TARP: variants seen among roughly 807,000 people sequenced by gnomAD.
At chr7:38,269,694 C>G in the TARP span, among the ~76,000 whole-genome samples, 2 of 150,318 alleles carry the variant, frequency 1.3e-5, no homozygotes, top group Non-Finnish European at 3.0e-5. Context: ...TAACTTAAAG[C>G]TTTTGGTGTT....
At chr7:38,270,260 G>A in the TARP span, among the ~76,000 whole-genome samples, 14 of 151,890 alleles carry the variant, frequency 9.2e-5, no homozygotes, top group Non-Finnish European at 1.0e-4. Context: ...TTTTGGAGTG[G>A]CAGTTAAATC....
chr7:38,263,259 T>C, the TARP span, among the ~76,000 whole-genome samples: 3 of 151,998 alleles, frequency 2.0e-5, no homozygotes, highest in African/African-American at 4.8e-5. Flanking sequence ...AGTTGTATTA[T>C]GTATGGCCCC....
the TARP span, among the ~76,000 whole-genome samples, chr7:38,264,884 G>A: frequency 2.1e-4 from 32 of 151,540 alleles, no homozygotes; most frequent in South Asian, 4.2e-4. Flanking sequence ...CAATGAACCC[G>A]TTGTTTTTAG....
At chr7:38,267,402 A>T in the TARP span, among the ~76,000 whole-genome samples, 12 of 151,988 alleles carry the variant, frequency 7.9e-5, no homozygotes. Context: ...TTTGATTTCC[A>T]ATTGAAACTC....
chr7:38,269,934 C>T, the TARP span, among the ~76,000 whole-genome samples: 15 of 151,718 alleles, frequency 9.9e-5, no homozygotes, highest in Non-Finnish European at 1.8e-4. Context: ...ACCCCATATT[C>T]ACTAAAAATA....
the TARP span, chr7:38,260,182 A>G: frequency 3.2e-5 from 51 of 1,601,230 alleles, no homozygotes; most frequent in Non-Finnish European, 4.2e-5. Flanking sequence ...GAGCAGGAGG[A>G]GGTACATGTA....
chr7:38,271,088 A>G, the TARP span, among the ~76,000 whole-genome samples: 16,854 of 150,314 alleles, frequency 0.11, 1,080 homozygotes, highest in South Asian at 0.18. Flanking sequence ...TTAGGGCTTT[A>G]GATCATCTGT....
At chr7:38,260,668 C>A in the TARP span, among the ~76,000 whole-genome samples, 12 of 151,818 alleles carry the variant, frequency 7.9e-5, no homozygotes, top group African/African-American at 2.7e-4. Flanking sequence ...GGGGGTGGAC[C>A]ACTAGTGCCT....
the TARP span, among the ~76,000 whole-genome samples, chr7:38,268,315 A>C: frequency 6.6e-6 from 1 of 151,656 alleles, no homozygotes; most frequent in Non-Finnish European, 1.5e-5. Flanking sequence ...GTTTATTAAA[A>C]TGCAGCATTG....
At chr7:38,262,220 T>C in the TARP span, 4 of 1,609,202 alleles carry the variant, frequency 2.5e-6, 1 homozygote, top group Non-Finnish European at 3.4e-6. Context: ...TGATGACATC[T>C]AGAAGAATGA....
At chr7:38,269,818 G>A in the TARP span, among the ~76,000 whole-genome samples, 1 of 152,050 alleles carries the variant, frequency 6.6e-6, no homozygotes, top group Non-Finnish European at 1.5e-5. Flanking sequence ...AATGTTATAG[G>A]TCCCAGTGCA....
At chr7:38,260,541 T>C in the TARP span, among the ~76,000 whole-genome samples, 1 of 150,584 alleles carries the variant, frequency 6.6e-6, no homozygotes, top group Non-Finnish European at 1.5e-5. Context: ...TGTGGCACAC[T>C]CACCTGTCTT....
At chr7:38,271,838 G>A in the TARP span, among the ~76,000 whole-genome samples, 1 of 149,968 alleles carries the variant, frequency 6.7e-6, no homozygotes, top group South Asian at 2.1e-4. Flanking sequence ...GAAATATAAG[G>A]GCAAAAAAGG....
chr7:38,267,674 A>G, the TARP span, among the ~76,000 whole-genome samples: 1 of 150,826 alleles, frequency 6.6e-6, no homozygotes, highest in Non-Finnish European at 1.5e-5. Flanking sequence ...TACTTGTTAT[A>G]CTTGTGAGAC....
the TARP span, among the ~76,000 whole-genome samples, chr7:38,272,000 T>C: frequency 6.6e-6 from 1 of 151,390 alleles, no homozygotes; most frequent in Admixed American, 6.6e-5. Flanking sequence ...GGAAAATACA[T>C]ATTTTCTTAA....
At chr7:38,265,982 T>G in the TARP span, among the ~76,000 whole-genome samples, 11,701 of 150,430 alleles carry the variant, frequency 0.078, 978 homozygotes, top group African/African-American at 0.27. Flanking sequence ...GATTTTTAAC[T>G]GCCTCCTACC....
chr7:38,264,876 A>G, the TARP span, among the ~76,000 whole-genome samples: 2 of 151,716 alleles, frequency 1.3e-5, no homozygotes, highest in South Asian at 2.1e-4. Context: ...TTTGTCAACA[A>G]TGAACCCGTT....
chr7:38,264,680 G>A, the TARP span, among the ~76,000 whole-genome samples: 5 of 151,324 alleles, frequency 3.3e-5, no homozygotes, highest in African/African-American at 1.2e-4. Context: ...AATATTCACT[G>A]CCTTGGAACT....
At chr7:38,270,459 A>C in the TARP span, among the ~76,000 whole-genome samples, 1 of 151,274 alleles carries the variant, frequency 6.6e-6, no homozygotes, top group Admixed American at 6.6e-5. Context: ...GCTAAAGTCT[A>C]ATATATGCAG....
Sources: gnomAD v4.1 joint callset for allele counts (sites outside exome capture counted in the v4.1 genomes callset) on GRCh38, gnomAD v4.1.1 for gene constraint, MANE v1.5 for transcripts.